The following ITPRID1 variants were observed in gnomAD, a reference collection of about 807,000 sequenced individuals.
ITPRID1 encodes protein ITPRID1.
ITPRID1 carries 96 observed loss-of-function variants against 95.4 expected under a neutral mutation model. The observed-to-expected ratio is 1.01, with a 90% CI of 0.85 to 1.19. The LOEUF (loss-of-function observed/expected upper bound fraction) is 1.19. Among genes scored for constraint, ITPRID1 ranks in the 50% most tolerant of loss-of-function variants. ITPRID1 has a pLI of 0.00. For synonymous variants in ITPRID1, 510 were observed against 453.6 expected (o/e 1.12, Z -1.58); for missense variants, 1,339 against 1,252.9 (o/e 1.07, Z -1.04).
downstream of ITPRID1, among the ~76,000 whole-genome samples, chr7:31,657,599 G>C (rs1001114683): frequency 1.3e-5 from 2 of 152,062 alleles, no homozygotes; most frequent in Non-Finnish European, 2.9e-5. Flanking sequence ...AAGAATAATG[G>C]CAAGAGCCCT....
At chr7:31,521,669 T>TCCTC (rs1292995823) in intron 1 of ITPRID1, among the ~76,000 whole-genome samples, 3 of 107,908 alleles carry the variant, frequency 2.8e-5, no homozygotes, top group African/African-American at 1.1e-4. Flanking sequence ...CTTCCTTCCT[T>TCCTC]CCTTCCTTCC....
chr7:31,582,178 C>T (rs1357203723), intron 9 of ITPRID1, among the ~76,000 whole-genome samples: 1 of 152,072 alleles, frequency 6.6e-6, no homozygotes, highest in Non-Finnish European at 1.5e-5. Flanking sequence ...ATTTAGAAAA[C>T]ATTCCAACAG....
intron 10 of ITPRID1, among the ~76,000 whole-genome samples, chr7:31,587,212 G>A (rs1481021265): frequency 6.6e-6 from 1 of 152,156 alleles, no homozygotes; most frequent in Non-Finnish European, 1.5e-5. Context: ...CCTGTTTGCA[G>A]ATGATATGAT....
chr7:31,628,221 T>G (rs1788653904), intron 10 of ITPRID1, among the ~76,000 whole-genome samples: 1 of 152,068 alleles, frequency 6.6e-6, no homozygotes, highest in Non-Finnish European at 1.5e-5. Flanking sequence ...CCCTTCAATC[T>G]CCTACTCCTA....
At chr7:31,599,859 C>CT (rs1786315383) in intron 10 of ITPRID1, among the ~76,000 whole-genome samples, 2 of 151,836 alleles carry the variant, frequency 1.3e-5, no homozygotes, top group African/African-American at 4.8e-5. Context: ...CCACGCCCGG[C>CT]TAAGTTTTTT....
At chr7:31,520,308 CACTGTTAAGTT>C (rs1186602293) in intron 1 of ITPRID1, among the ~76,000 whole-genome samples, 1 of 152,110 alleles carries the variant, frequency 6.6e-6, no homozygotes, top group Non-Finnish European at 1.5e-5. Flanking sequence ...CAGGTTTCTG[CACTGTTAAGTT>C]ACGCTTTTCC....
chr7:31,632,208 G>A (rs1208118718), intron 10 of ITPRID1, among the ~76,000 whole-genome samples: 2 of 152,082 alleles, frequency 1.3e-5, no homozygotes, highest in African/African-American at 2.4e-5. Context: ...CAGCACTTTG[G>A]GTGGCTGAGG....
chr7:31,649,037 T>C (rs1790730815), intron 12 of ITPRID1, among the ~76,000 whole-genome samples: 1 of 152,208 alleles, frequency 6.6e-6, no homozygotes, highest in Admixed American at 6.5e-5. Context: ...CTTCAGAGAT[T>C]CCCTAAGTGT....
chr7:31,622,529 G>C (rs1463708657), intron 10 of ITPRID1, among the ~76,000 whole-genome samples: 3 of 151,032 alleles, frequency 2.0e-5, no homozygotes, highest in African/African-American at 7.3e-5. Flanking sequence ...ACGAAATGAA[G>C]GCAGAAATAA....
chr7:31,611,921 TTATTGAAA>T (rs1304898763), intron 10 of ITPRID1, among the ~76,000 whole-genome samples: 2 of 151,998 alleles, frequency 1.3e-5, no homozygotes, highest in African/African-American at 2.4e-5. Flanking sequence ...GGGCCATTAT[TTATTGAAA>T]TATTCTTTAT....
At chr7:31,566,363 C>G (rs778911553) in intron 5 of ITPRID1, among the ~76,000 whole-genome samples, 1 of 152,184 alleles carries the variant, frequency 6.6e-6, no homozygotes, top group Non-Finnish European at 1.5e-5. Context: ...TCTAGGAAAC[C>G]CAGAGCAATA....
chr7:31,648,546 C>T (rs142625607), intron 12 of ITPRID1, among the ~76,000 whole-genome samples: 1 of 152,238 alleles, frequency 6.6e-6, no homozygotes, highest in East Asian at 1.9e-4. Flanking sequence ...GCAAACACTC[C>T]ATCAGTTATT....
intron 1 of ITPRID1, among the ~76,000 whole-genome samples, chr7:31,548,060 A>G (rs1216977047): frequency 6.9e-6 from 1 of 144,948 alleles, no homozygotes; most frequent in Admixed American, 6.9e-5. Context: ...ATAATCCAGT[A>G]AGGAGGACAA....
At chr7:31,528,605 G>C (rs1783495809) in intron 1 of ITPRID1, among the ~76,000 whole-genome samples, 1 of 152,156 alleles carries the variant, frequency 6.6e-6, no homozygotes, top group Non-Finnish European at 1.5e-5. Flanking sequence ...TAAGAGACGA[G>C]AGATCTCCCA....
chr7:31,600,158 C>T (rs1273706982), intron 10 of ITPRID1, among the ~76,000 whole-genome samples: 1 of 152,084 alleles, frequency 6.6e-6, no homozygotes. Flanking sequence ...AGAAATACAA[C>T]TTAAAATTAT....
chr7:31,566,662 A>T (rs1186803771), intron 5 of ITPRID1, among the ~76,000 whole-genome samples: 1 of 152,212 alleles, frequency 6.6e-6, no homozygotes, highest in African/African-American at 2.4e-5. Context: ...TATTTAATTC[A>T]TTGTGGCATC....
At chr7:31,554,929 G>C in intron 5 of ITPRID1, 28 bp downstream of exon 5, 1 of 1,518,234 alleles carries the variant, frequency 6.6e-7, no homozygotes, top group Non-Finnish European at 9.0e-7. Flanking sequence ...GTTATGCTTT[G>C]GGAAGCTGAG....
chr7:31,620,657 G>A (rs1272004514), intron 10 of ITPRID1, among the ~76,000 whole-genome samples: 1 of 150,196 alleles, frequency 6.7e-6, no homozygotes, highest in Non-Finnish European at 1.5e-5. Flanking sequence ...ACAAAGATGG[G>A]GAAAAAACAG....
At chr7:31,572,015 T>A in intron 6 of ITPRID1, 87 bp from the exon 7 acceptor site, 2 of 825,008 alleles carry the variant, frequency 2.4e-6, no homozygotes. Context: ...ATGCAAATGT[T>A]TGCTCTGGAA....
Sources: allele counts gnomAD v4.1 joint callset (sites outside exome capture counted in the v4.1 genomes callset), GRCh38; gene constraint gnomAD v4.1.1; transcripts MANE v1.5; gene names NCBI Gene and HGNC (gene_info 2026-07-23, HGNC 2026-07-21).